GSR: variants seen among roughly 807,000 people sequenced by gnomAD.
The protein encoded by GSR is glutathione-disulfide reductase, also known as glutathione reductase, mitochondrial.
A neutral mutation model predicts 56.5 loss-of-function variants in GSR; 48 were observed. The observed-to-expected ratio is 0.85, with a 90% CI of 0.67 to 1.08. GSR has a LOEUF of 1.08. GSR is among the 50% of genes least tolerant of loss of function. The pLI, the probability that GSR is intolerant of heterozygous loss-of-function variation, is 0.00. For missense variants in GSR, 694 were observed against 703.3 expected (o/e 0.99, Z 0.15); for synonymous variants, 264 against 270.8 (o/e 0.97, Z 0.25).
intron 9 of GSR, among the ~76,000 whole-genome samples, chr8:30,686,161 A>G (rs1276763341): frequency 6.6e-6 from 1 of 151,888 alleles, no homozygotes; most frequent in Non-Finnish European, 1.5e-5. Flanking sequence ...TGAGAATACC[A>G]TGGTAAGACA....
chr8:30,700,524 A>G (rs1803693492), intron 5 of GSR, among the ~76,000 whole-genome samples: 1 of 151,840 alleles, frequency 6.6e-6, no homozygotes, highest in Non-Finnish European at 1.5e-5. Flanking sequence ...TTCAAAATCT[A>G]TGTGGCCTGG....
chr8:30,710,647 G>A (rs1431074153), intron 2 of GSR, among the ~76,000 whole-genome samples: 2 of 147,178 alleles, frequency 1.4e-5, no homozygotes, highest in African/African-American at 5.1e-5. Context: ...AACCTGGGAG[G>A]TGGAGATTGC....
chr8:30,681,201 T>C lies in GSR; in HGVS notation c.1286-164A>G, dbSNP rs375460558. Among the ~76,000 whole-genome samples, 7 of 152,264 alleles carry C rather than the reference T, an allele frequency of 4.6e-5. No homozygotes were observed. In the East Asian group the frequency reaches 1.2e-3, roughly 25 times the overall value. On this transcript the variant is annotated intron_variant, in intron 11 of 12. Coordinates refer to ENST00000221130, the MANE Select transcript of GSR (RefSeq NM_000637.5). ...CTACAAAATAAATGTCAGTGTCATA[T>C]AAGACAAAAGAAGGGCTGAGGAATT...
Position 30,708,080 on chromosome 8 carries a change from G to C in GSR, c.484C>G (p.Leu162Val). 1 of 1,611,708 alleles carries C rather than the reference G, an allele frequency of 6.2e-7. No homozygotes were observed. Among genetic ancestry groups the C allele is most frequent in the Non-Finnish European group, 8.5e-7 (1 of 1,177,780 alleles). ...AAACCCAGCATACACACCTTGGTGA[G>C]ATTGTTTTGATAGATGGCATTCAGG... ...SRLNAIYQNN[L>V]TKSHIEIIRG... The change falls in exon 4 of 13, where the codon CTC (leucine) becomes GTC (valine). Residue 162 changes from leucine (L) to valine (V), a missense_variant. Transcript: ENST00000221130.
intron 9 of GSR, 32 bp from the exon 10 acceptor site, chr8:30,684,231 T>C: frequency 8.5e-7 from 1 of 1,181,834 alleles, no homozygotes; most frequent in Non-Finnish European, 1.3e-6. Context: ...ATGTAACCAC[T>C]TGGCCCACCT....
At chr8:30,703,935 A>G (rs1295056647) in intron 4 of GSR, among the ~76,000 whole-genome samples, 1 of 152,044 alleles carries the variant, frequency 6.6e-6, no homozygotes, top group African/African-American at 2.4e-5. Context: ...AGAGACAAAA[A>G]AGTATATGCA....
Position 30,678,245 on chromosome 8 carries a change from T to C in GSR, c.*1275A>G, listed in dbSNP as rs1281648457. 6.6e-6 allele frequency: 1 copy of C among 151,796 alleles called. No homozygotes were observed. Among genetic ancestry groups the C allele is most frequent in the Admixed American group, 6.6e-5 (1 of 15,196 alleles). The allele number at this position is 151,796 out of a possible 1,614,324, so 9.4% of individuals were successfully genotyped here. On this transcript the variant is annotated 3_prime_UTR_variant, in exon 13 of 13. Coordinates refer to ENST00000221130, the MANE Select transcript of GSR (RefSeq NM_000637.5). Reference sequence around the variant, plus strand: ...TCTGAAAGCAGGAATCACTTCTAAATGTCTCTCATATCTTTCTTCAAGGAG... The same window carrying C: ...TCTGAAAGCAGGAATCACTTCTAAACGTCTCTCATATCTTTCTTCAAGGAG...
At chr8:30,708,636 C>T (rs1803997301) in intron 3 of GSR, among the ~76,000 whole-genome samples, 1 of 152,102 alleles carries the variant, frequency 6.6e-6, no homozygotes, top group Admixed American at 6.6e-5. Context: ...TACGAATGTT[C>T]ATAGCAGCAT....
Position 30,696,442 on chromosome 8 carries a change from C to A in GSR, c.733G>T (p.Glu245Ter). Residue 245 changes from glutamate to a stop codon, truncating the protein, a stop_gained, in exon 7 of 13, where the codon GAG becomes TAG. Coordinates refer to ENST00000221130, the MANE Select transcript of GSR (RefSeq NM_000637.5). LOFTEE classifies it high-confidence loss of function. ...AGGGCTGACAGGATCCCTGCCATCTCCACAGCAATGTAACCTGCACCAACA... is the reference window on the plus strand; with the variant it reads ...AGGGCTGACAGGATCCCTGCCATCTACACAGCAATGTAACCTGCACCAACA... ...VIVGAGYIAV[E>*]MAGILSALGS... 6.2e-7 allele frequency: 1 copy of A among 1,613,676 alleles called. No homozygotes were observed. Among genetic ancestry groups the A allele is most frequent in the East Asian group, 2.2e-5 (1 of 44,878 alleles).
chr8:30,714,359 C>T (rs897805508), intron 1 of GSR, among the ~76,000 whole-genome samples: 3 of 151,954 alleles, frequency 2.0e-5, no homozygotes, highest in African/African-American at 7.2e-5. Flanking sequence ...CACAGGCGTT[C>T]ACCGCCATGC....
intron 5 of GSR, among the ~76,000 whole-genome samples, chr8:30,700,863 A>AGG (rs1803713775): frequency 6.6e-6 from 1 of 152,128 alleles, no homozygotes; most frequent in East Asian, 1.9e-4. Flanking sequence ...TGTAGTGAAA[A>AGG]GGAGATTGAA....
chr8:30,699,292 A>T (rs4628224), intron 6 of GSR, among the ~76,000 whole-genome samples: 30,169 of 147,298 alleles, frequency 0.2, 3,180 homozygotes, highest in East Asian at 0.42. Context: ...CCCTGTCTCT[A>T]AAAAAAAAAA....
chr8:30,712,779 A>G (rs1804200736), intron 1 of GSR, among the ~76,000 whole-genome samples: 1 of 152,244 alleles, frequency 6.6e-6, no homozygotes, highest in Non-Finnish European at 1.5e-5. Flanking sequence ...GGAACTTAGG[A>G]TATTGATTAA....
rs71206274 is a variant in GSR at position 30,685,985 on chromosome 8, C to CAAAAAAAAAAAA, written c.1042-1798_1042-1787dup. Reference sequence around the variant, plus strand: ...TGGGCAACAGAAAGAGACTCTGCCTCAAAAAAAAAAAAAAAAAAAAAAAAA... The same window carrying CAAAAAAAAAAAA: ...TGGGCAACAGAAAGAGACTCTGCCTCAAAAAAAAAAAAAAAAAAAAAAAAAAAAAAAAAAAAA... On this transcript the variant is annotated intron_variant, in intron 9 of 12. Transcript: ENST00000221130. 1.9e-4 allele frequency among the ~76,000 whole-genome samples: 7 copies of CAAAAAAAAAAAA among 37,238 alleles called. 1 individual carries two copies. The highest frequency in any genetic ancestry group is 3.4e-4 in the African/African-American group (3 of 8,812). 24.4% of individuals were successfully genotyped at this position (37,238 alleles called of 152,430 possible). A position where few individuals can be genotyped will look rare whatever the true frequency, so the allele number is the denominator to read the frequency against.
intron 12 of GSR, among the ~76,000 whole-genome samples, chr8:30,680,232 C>T (rs1353489067): frequency 6.6e-6 from 1 of 151,866 alleles, no homozygotes; most frequent in Non-Finnish European, 1.5e-5. Context: ...CCATGCCCGG[C>T]CAATTTTTGT....
At chr8:30,689,923 G>A (rs1803310401) in intron 8 of GSR, among the ~76,000 whole-genome samples, 1 of 137,310 alleles carries the variant, frequency 7.3e-6, no homozygotes, top group Non-Finnish European at 1.5e-5. Context: ...TGTATTTAAT[G>A]TTTTTATTAA....
Position 30,679,453 on chromosome 8 carries a change from T to C in GSR, c.*67A>G. On this transcript the variant is annotated 3_prime_UTR_variant, in exon 13 of 13. Coordinates refer to ENST00000221130, the MANE Select transcript of GSR (RefSeq NM_000637.5). ...ACATAAAACTCAAACAGTAAGTCAATGTGATTATTTGTTTCATTTCAGAAG... is the reference window on the plus strand; with the variant it reads ...ACATAAAACTCAAACAGTAAGTCAACGTGATTATTTGTTTCATTTCAGAAG... The C allele has an allele frequency of 7.1e-7, 1 of 1,407,396 alleles. No homozygotes were observed. Among genetic ancestry groups the C allele is most frequent in the African/African-American group, 1.4e-5 (1 of 71,054 alleles). 87.2% of individuals were successfully genotyped at this position (1,407,396 alleles called of 1,614,324 possible).
At chr8:30,723,783 AACACACACAC>A (rs5890533) in intron 1 of GSR, among the ~76,000 whole-genome samples, 2,410 of 52,606 alleles carry the variant, frequency 0.046, 55 homozygotes, top group Admixed American at 0.11. Context: ...CAGAGCAACA[AACACACACAC>A]ACACACACAC....
At position 30,679,652 on chromosome 8, in the gene GSR, C is replaced by T; in HGVS notation, c.1437G>A (p.Met479Ile). 12 of 1,613,692 alleles carry T rather than the reference C, an allele frequency of 7.4e-6. No individual in the cohort carries two copies. The South Asian group carries it at 1.3e-4, about 18-fold the overall frequency. ...NKEEKVVGIH[M>I]QGLGCDEMLQ... ...GCATTTCATCACACCCAAGTCCCTG[C>T]ATATGGATCCCAACCACCTGGGAAA... The change falls in exon 13 of 13, where the codon ATG becomes ATA. Residue 479 changes from methionine to isoleucine, a missense_variant. Coordinates refer to ENST00000221130, the MANE Select transcript of GSR (RefSeq NM_000637.5).
Sources: allele counts gnomAD v4.1 joint callset (sites outside exome capture counted in the v4.1 genomes callset), GRCh38; gene constraint gnomAD v4.1.1; transcripts MANE v1.5; gene names NCBI Gene and HGNC (gene_info 2026-07-23, HGNC 2026-07-21).